The following MIDN variants were observed in gnomAD, a reference collection of about 807,000 sequenced individuals.
MIDN encodes midbrain nucleolar protein.
Under a neutral mutation model 46.1 loss-of-function variants are expected in MIDN, and 26 were observed. The ratio of observed to expected loss-of-function variants is 0.56; its 90% CI spans 0.41 to 0.78. MIDN has a LOEUF of 0.78. MIDN is among the 30% of genes least tolerant of loss of function. The probability of loss-of-function intolerance (pLI) is 0.00; values close to 1 mark genes in which losing one functional copy is unlikely to be tolerated. For synonymous variants in MIDN, 432 were observed against 343.3 expected, an observed-to-expected ratio of 1.26 and a Z score of -2.86; for missense variants, 850 against 771.8, an observed-to-expected ratio of 1.10 and a Z score of -1.20.
At chr19:1,250,934 C>T (rs773863973) in intron 2 of MIDN, among the ~76,000 whole-genome samples, 1 of 151,876 alleles carries the variant, frequency 6.6e-6, no homozygotes, top group South Asian at 2.1e-4. Flanking sequence ...TTTGTTCTCG[C>T]CTCCGAGCGC....
At chr19:1,249,083 C>G (rs1005798993) in intron 1 of MIDN, among the ~76,000 whole-genome samples, 9 of 151,418 alleles carry the variant, frequency 5.9e-5, no homozygotes, top group Non-Finnish European at 7.4e-5. Context: ...GCAGAGGGCG[C>G]GCCCGAGCTG....
chr19:1,252,491 G>T (rs535503828), intron 4 of MIDN, among the ~76,000 whole-genome samples: 1 of 152,298 alleles, frequency 6.6e-6, no homozygotes, highest in Admixed American at 6.5e-5. Flanking sequence ...TTTAGTAAGC[G>T]GCCAGGAGGG....
Position 1,257,504 on chromosome 19 carries a change from T to G in MIDN, c.*232T>G. ...GCTTCCTACCTCCTTCACCCTTCAC[T>G]CCTGCCCTCCTCTTCCTCCTCCTCC... On this transcript the variant is annotated 3_prime_UTR_variant, in exon 9 of 9. Transcript: ENST00000682408. 1 of 478,528 alleles carries G rather than the reference T, an allele frequency of 2.1e-6. No individual in the cohort carries two copies. Among genetic ancestry groups the G allele is most frequent in the East Asian group, 3.7e-5 (1 of 26,876 alleles). 29.6% of individuals were successfully genotyped at this position (478,528 alleles called of 1,614,324 possible).
rs372267981 is a variant in MIDN, at chr19:1,257,181, G to C, written c.1445G>C (p.Ser482Thr). ...SSSSGGGGSP[S>T]EASGLGLDFE... ...AGCAGCGGGGGCGGCGGCAGCCCCA[G>C]CGAGGCCTCCGGCTTGGGCCTCGAC... Residue 482 changes from serine (S) to threonine (T), a missense_variant, in exon 9 of 9, where the codon AGC (serine) becomes ACC (threonine). Ser to Thr is a moderately conservative substitution (Grantham distance 58). Transcript: ENST00000682408. 61 of 1,611,736 alleles carry C rather than the reference G, an allele frequency of 3.8e-5. No homozygotes were observed. The highest frequency in any genetic ancestry group is 4.7e-5 in the Non-Finnish European group (55 of 1,179,454).
At position 1,250,212 on chromosome 19, in the gene MIDN, TC is replaced by T; in HGVS notation, c.-83del. On this transcript the variant is annotated 5_prime_UTR_variant, in exon 2 of 9. Coordinates refer to ENST00000682408, the MANE Select transcript of MIDN (RefSeq NM_001388306.1). ...CCCCGAGTGCCCGGAGGACCCGGCA[TC>T]CGGGGAGCCTCTCGCCCCTGTCCCG... is the stretch of plus-strand genomic sequence containing the variant. The T allele has an allele frequency of 1.9e-6, 1 of 531,406 alleles. No individual in the cohort carries two copies. Among genetic ancestry groups the T allele is most frequent in the Non-Finnish European group, 2.4e-6 (1 of 415,434 alleles). The allele number at this position is 531,406 out of a possible 1,614,324, so 32.9% of individuals were successfully genotyped here.
intron 2 of MIDN, 79 bp from the exon 3 acceptor site, chr19:1,251,483 C>G (rs1030450074): frequency 7.6e-7 from 1 of 1,310,008 alleles, no homozygotes; most frequent in Non-Finnish European, 1.1e-6. Context: ...CACACAAGCA[C>G]AGCCCTCCCC....
rs762367981 is a variant in MIDN, at chr19:1,251,568, C to G, written c.240C>G (p.Leu80=). ...RLALLHKDTR[L]SSGKLQEFGV... Reference sequence around the variant, plus strand: ...TCTTCCTTCCTCCCCCCAGCCGGCTCAGTTCGGGGAAGCTGCAGGAGTTCG... The same window carrying G: ...TCTTCCTTCCTCCCCCCAGCCGGCTGAGTTCGGGGAAGCTGCAGGAGTTCG... The change falls in exon 3 of 9, where the codon CTC becomes CTG. Residue 80 remains leucine (L), a synonymous_variant. Transcript: ENST00000682408. The G allele has an allele frequency of 5.6e-6, 9 of 1,607,538 alleles. No homozygotes were observed. Among genetic ancestry groups the G allele is most frequent in the South Asian group, 2.2e-5 (2 of 90,426 alleles).
At chr19:1,250,921 C>G (rs934378444) in intron 2 of MIDN, among the ~76,000 whole-genome samples, 11 of 151,960 alleles carry the variant, frequency 7.2e-5, no homozygotes, top group Admixed American at 2.0e-4. Flanking sequence ...CTCTCTCCCC[C>G]CCTTTGTTCT....
rs776426661 is a variant in MIDN, at chr19:1,250,471, C to T, written c.175C>T (p.Arg59Trp). The change falls in exon 2 of 9, where the codon CGG becomes TGG. Residue 59 changes from arginine (R) to tryptophan (W), a missense_variant. Physicochemically the swap from Arg to Trp is moderately radical, Grantham distance 101. Coordinates refer to ENST00000682408, the MANE Select transcript of MIDN (RefSeq NM_001388306.1). ...CGAGACGGTGGAGGGGCTGCGCAAGCGGTTGTCCCAGCGCCTCAAAGTGCC... is the reference window on the plus strand; with the variant it reads ...CGAGACGGTGGAGGGGCTGCGCAAGTGGTTGTCCCAGCGCCTCAAAGTGCC... ...PDETVEGLRK[R>W]LSQRLKVPKE... 2 of 1,382,418 alleles carry T rather than the reference C, an allele frequency of 1.4e-6. No homozygotes were observed. Among genetic ancestry groups the T allele is most frequent in the Non-Finnish European group, 9.6e-7 (1 of 1,045,090 alleles). 85.6% of individuals were successfully genotyped at this position (1,382,418 alleles called of 1,614,324 possible).
At chr19:1,251,683 C>T (rs761591678) in intron 3 of MIDN, 34 bp downstream of exon 3, 2 of 1,583,748 alleles carry the variant, frequency 1.3e-6, no homozygotes, top group Non-Finnish European at 1.7e-6. Context: ...CCCCCAGAGG[C>T]CCCCGCACAC....
chr19:1,250,962 C>A (rs1405377670), intron 2 of MIDN, among the ~76,000 whole-genome samples: 1 of 152,068 alleles, frequency 6.6e-6, no homozygotes, highest in South Asian at 2.1e-4. Context: ...AGCCTCCCCT[C>A]CCCCCTGGTA....
intron 8 of MIDN, among the ~76,000 whole-genome samples, chr19:1,256,352 G>A (rs2081198987): frequency 6.6e-6 from 1 of 152,214 alleles, no homozygotes; most frequent in Non-Finnish European, 1.5e-5. Context: ...GCGTGGTGGT[G>A]GGCGCCTGTA....
At chr19:1,253,699 C>T (rs561014707) in intron 4 of MIDN, 82 of 225,138 alleles carry the variant, frequency 3.6e-4, no homozygotes, top group South Asian at 1.0e-3. Flanking sequence ...CAGAAGAATT[C>T]GTGCAGGAAT....
chr19:1,249,897 G>C lies in MIDN; in HGVS notation c.-400G>C, dbSNP rs1221050314. 2.6e-5 allele frequency: 4 copies of C among 152,052 alleles called. No homozygotes were observed. Among genetic ancestry groups the C allele is most frequent in the African/African-American group, 7.2e-5 (3 of 41,520 alleles). The allele number at this position is 152,052 out of a possible 1,614,324, so 9.4% of individuals were successfully genotyped here. ...TGTTACTTTCACCCCCAGATCCTCC[G>C]AGCGGCGGCGACGGCTGTTGCTAAG... On this transcript the variant is annotated 5_prime_UTR_variant, in exon 2 of 9. Transcript: ENST00000682408.
intron 4 of MIDN, among the ~76,000 whole-genome samples, chr19:1,253,091 C>T (rs2081152819): frequency 6.6e-6 from 1 of 151,898 alleles, no homozygotes; most frequent in African/African-American, 2.4e-5. Context: ...GGTTGCTTCC[C>T]TGCCTGGCAC....
At position 1,254,806 on chromosome 19, in the gene MIDN, C is replaced by CCTGTCAGGAGATG. The variant is rs2081177790; in HGVS notation, c.826-96_826-95insCTGTCAGGAGATG. The CCTGTCAGGAGATG allele has an allele frequency of 2.2e-6, 3 of 1,389,690 alleles. No homozygotes were observed. The African/African-American group carries it at 4.3e-5, about 20-fold the overall frequency. 86.1% of individuals were successfully genotyped at this position (1,389,690 alleles called of 1,614,324 possible). A position where few individuals can be genotyped will look rare whatever the true frequency, so the allele number is the denominator to read the frequency against. ...TCTAAACCCTGTGTTGACAGGTCAT[C>CCTGTCAGGAGATG]TCCTGACCTGGGCTGGTGGGTGATC... On this transcript the variant is annotated intron_variant, in intron 6 of 8. Transcript: ENST00000682408.
chr19:1,251,348 A>AG (rs1178185291), intron 2 of MIDN: 2 of 546,858 alleles, frequency 3.7e-6, no homozygotes, highest in Non-Finnish European at 6.4e-6. Context: ...GTTCCACTGG[A>AG]GGGAAGGGGT....
chr19:1,255,543 G>T lies in MIDN; in HGVS notation c.1107G>T (p.Ser369=), dbSNP rs45524034. ...GGCACTACCAGGGCATGCCCCCTTC[G>T]CTGGCCCAGCTCCGCTGCCACGCCC... ...ATRHYQGMPP[S]LAQLRCHAQC... The change falls in exon 8 of 9, where the codon TCG becomes TCT. Residue 369 remains serine, a synonymous_variant. Coordinates refer to ENST00000682408, the MANE Select transcript of MIDN (RefSeq NM_001388306.1). The T allele has an allele frequency of 1.2e-6, 2 of 1,611,714 alleles. No individual in the cohort carries two copies. Among genetic ancestry groups the T allele is most frequent in the Non-Finnish European group, 1.7e-6 (2 of 1,179,524 alleles).
At chr19:1,256,221 C>T (rs1301551151) in intron 8 of MIDN, among the ~76,000 whole-genome samples, 5 of 152,352 alleles carry the variant, frequency 3.3e-5, no homozygotes, top group South Asian at 2.1e-4. Flanking sequence ...CGGTGGCTCA[C>T]GCCTGTAATC....
Sources: gnomAD v4.1 joint callset for allele counts (sites outside exome capture counted in the v4.1 genomes callset) on GRCh38, gnomAD v4.1.1 for gene constraint, MANE v1.5 for transcripts, NCBI Gene and HGNC (gene_info 2026-07-23, HGNC 2026-07-21) for gene names.